PPP3CA: variants seen among roughly 807,000 people sequenced by gnomAD.
PPP3CA encodes the protein CAM-PRP catalytic subunit.
PPP3CA carries 14 observed loss-of-function variants against 66.5 expected under a neutral mutation model. That is an observed-to-expected ratio of 0.21 (90% CI 0.14 to 0.33). The LOEUF is 0.33. Among genes scored for constraint, PPP3CA ranks in the 10% least tolerant of loss-of-function variants. PPP3CA has a pLI of 1.00. For synonymous variants in PPP3CA, 232 were observed against 226.2 expected, an observed-to-expected ratio of 1.03 and a Z score of -0.23; for missense variants, 317 against 639.5, an observed-to-expected ratio of 0.50 and a Z score of 5.44.
chr4:101,061,667 T>C (rs957966926), intron 9 of PPP3CA, among the ~76,000 whole-genome samples: 1 of 152,084 alleles, frequency 6.6e-6, no homozygotes, highest in Non-Finnish European at 1.5e-5. Context: ...TTTTTCAGAA[T>C]ACTAATTTTA....
chr4:101,159,009 C>T (rs1459790001), intron 2 of PPP3CA, among the ~76,000 whole-genome samples: 1 of 152,200 alleles, frequency 6.6e-6, no homozygotes, highest in Non-Finnish European at 1.5e-5. Context: ...GTTGACTTAG[C>T]TTCCTCTGGG....
At position 101,300,407 on chromosome 4, in the gene PPP3CA, A is replaced by G. The variant is rs545165007; in HGVS notation, c.58+46332T>C. Among the ~76,000 whole-genome samples, 7 of 152,334 alleles carry G rather than the reference A, an allele frequency of 4.6e-5. No individual in the cohort carries two copies. The South Asian group carries it at 1.4e-3, about 32-fold the overall frequency. On this transcript the variant is annotated intron_variant, in intron 1 of 13. Transcript: ENST00000394854. ...ATAAAGGACAAATATCACATCAAAA[A>G]CATAAACCGTGAGCAACCTACCGGT... is the stretch of plus-strand genomic sequence containing the variant.
intron 1 of PPP3CA, among the ~76,000 whole-genome samples, chr4:101,198,148 A>G (rs1724859483): frequency 1.3e-5 from 2 of 152,186 alleles, no homozygotes; most frequent in Non-Finnish European, 1.5e-5. Flanking sequence ...AGGAGGGGAG[A>G]AAAAGAGGAA....
At chr4:101,260,148 G>T (rs570332678) in intron 1 of PPP3CA, among the ~76,000 whole-genome samples, 1 of 152,012 alleles carries the variant, frequency 6.6e-6, no homozygotes, top group African/African-American at 2.4e-5. Flanking sequence ...GGGGCAAATC[G>T]TATCAACGAC....
At chr4:101,040,277 G>T (rs1472501072) in intron 11 of PPP3CA, among the ~76,000 whole-genome samples, 3 of 152,106 alleles carry the variant, frequency 2.0e-5, no homozygotes, top group Non-Finnish European at 4.4e-5. Flanking sequence ...TTTCTTAACA[G>T]AAATAATTTA....
intron 1 of PPP3CA, among the ~76,000 whole-genome samples, chr4:101,295,307 C>CAAAAAAA (rs527366396): frequency 9.5e-5 from 4 of 42,034 alleles, no homozygotes; most frequent in East Asian, 6.7e-4. Context: ...GACTCCGTCT[C>CAAAAAAA]AAAAAAAAAA....
At chr4:101,098,775 A>G (rs1452300074) in intron 4 of PPP3CA, among the ~76,000 whole-genome samples, 8 of 152,154 alleles carry the variant, frequency 5.3e-5, no homozygotes, top group Admixed American at 5.2e-4. Flanking sequence ...TTTTATATAC[A>G]TTCTGGCTAT....
intron 2 of PPP3CA, among the ~76,000 whole-genome samples, chr4:101,121,172 G>C (rs915611013): frequency 6.6e-6 from 1 of 151,972 alleles, no homozygotes; most frequent in Non-Finnish European, 1.5e-5. Flanking sequence ...TTGCTAAAAA[G>C]ATCAGTCAGG....
intron 1 of PPP3CA, among the ~76,000 whole-genome samples, chr4:101,264,709 T>A (rs1482970262): frequency 6.6e-6 from 1 of 152,170 alleles, no homozygotes; most frequent in Non-Finnish European, 1.5e-5. Context: ...GTTTATTAAG[T>A]TCAAATAATC....
intron 1 of PPP3CA, chr4:101,250,290 T>C (rs1442115885): frequency 4.4e-6 from 2 of 454,124 alleles, no homozygotes; most frequent in Admixed American, 2.4e-5. Context: ...CAGACCTGAA[T>C]ACTAATCCAA....
chr4:101,243,611 A>G lies in PPP3CA; in HGVS notation c.59-47495T>C. Reference sequence around the variant, plus strand: ...TATAAGTAATCTAGAAATGATTTCAAATATATACAAGGATATCCACAGGTT... The same window carrying G: ...TATAAGTAATCTAGAAATGATTTCAGATATATACAAGGATATCCACAGGTT... On this transcript the variant is annotated intron_variant, in intron 1 of 13. Transcript: ENST00000394854. 1.3e-5 allele frequency among the ~76,000 whole-genome samples: 2 copies of G among 152,328 alleles called. 1 individual carries two copies. The highest frequency in any genetic ancestry group is 4.1e-4 in the South Asian group (2 of 4,832).
At position 101,289,870 on chromosome 4, in the gene PPP3CA, ATGTGTGTGTG is replaced by A. The variant is rs72004461; in HGVS notation, c.58+56859_58+56868del. On this transcript the variant is annotated intron_variant, in intron 1 of 13. Transcript: ENST00000394854. ...CACTATAATCCCAAAATGTCCGTGT[ATGTGTGTGTG>A]TGTGTGTGTGTGTGTGTGTGTGTGT... Among the ~76,000 whole-genome samples, 1,283 of 141,824 alleles carry A rather than the reference ATGTGTGTGTG, an allele frequency of 9.0e-3. 12 individuals carry two copies. Among genetic ancestry groups the A allele is most frequent in the African/African-American group, 0.027 (1,052 of 38,568 alleles). 93.0% of individuals were successfully genotyped at this position (141,824 alleles called of 152,430 possible). A position where few individuals can be genotyped will look rare whatever the true frequency, so the allele number is the denominator to read the frequency against.
chr4:101,285,033 A>G (rs1282629203), intron 1 of PPP3CA, among the ~76,000 whole-genome samples: 1 of 152,152 alleles, frequency 6.6e-6, no homozygotes, highest in Non-Finnish European at 1.5e-5. Context: ...TGTTTCTAAC[A>G]ACAGCAAGAA....
chr4:101,177,136 T>C (rs1323812681), intron 2 of PPP3CA, among the ~76,000 whole-genome samples: 1 of 152,070 alleles, frequency 6.6e-6, no homozygotes, highest in Non-Finnish European at 1.5e-5. Flanking sequence ...ATAAAACTAG[T>C]GGTTTTAAAA....
chr4:101,290,591 A>G (rs908626744), intron 1 of PPP3CA, among the ~76,000 whole-genome samples: 1 of 152,234 alleles, frequency 6.6e-6, no homozygotes, highest in Admixed American at 6.5e-5. Context: ...TGGAGCAGCG[A>G]TCAAAACAGG....
chr4:101,115,242 C>T (rs2110268525), intron 2 of PPP3CA, among the ~76,000 whole-genome samples: 1 of 152,060 alleles, frequency 6.6e-6, no homozygotes, highest in East Asian at 1.9e-4. Flanking sequence ...AACCAGTGTG[C>T]TTCTAAGTAG....
intron 1 of PPP3CA, among the ~76,000 whole-genome samples, chr4:101,280,102 G>A (rs1341263013): frequency 6.6e-6 from 1 of 152,122 alleles, no homozygotes; most frequent in Non-Finnish European, 1.5e-5. Context: ...ACACATTAGC[G>A]AATAAAATGG....
At chr4:101,094,611 C>T (rs192382151) in intron 5 of PPP3CA, among the ~76,000 whole-genome samples, 9 of 152,138 alleles carry the variant, frequency 5.9e-5, no homozygotes, top group Admixed American at 2.0e-4. Flanking sequence ...TCAACTTTAG[C>T]GGGTCATTCT....
At chr4:101,295,761 A>T (rs1222089895) in intron 1 of PPP3CA, among the ~76,000 whole-genome samples, 1 of 152,268 alleles carries the variant, frequency 6.6e-6, no homozygotes, top group Non-Finnish European at 1.5e-5. Context: ...ACCTACTGTC[A>T]TGAGTTAAAG....
Sources: allele counts gnomAD v4.1 joint callset (sites outside exome capture counted in the v4.1 genomes callset), GRCh38; gene constraint gnomAD v4.1.1; transcripts MANE v1.5; gene names NCBI Gene and HGNC (gene_info 2026-07-23, HGNC 2026-07-21).